The following PPP6C variants were observed in gnomAD, a reference collection of about 807,000 sequenced individuals.
PPP6C encodes protein phosphatase 6 catalytic subunit.
Under a neutral mutation model 39.8 loss-of-function variants are expected in PPP6C, and 11 were observed. The observed-to-expected ratio is 0.28, with a 90% CI of 0.17 to 0.46. The LOEUF (loss-of-function observed/expected upper bound fraction) is 0.46. Among genes scored for constraint, PPP6C ranks in the 20% least tolerant of loss-of-function variants. The pLI is 1.00. For missense variants in PPP6C, 211 were observed against 373.9 expected (o/e 0.56, Z 3.59); for synonymous variants, 129 against 130.3 (o/e 0.99, Z 0.07).
chr9:125,184,610 A>T (rs10986619), intron 1 of PPP6C, among the ~76,000 whole-genome samples: 2,285 of 152,166 alleles, frequency 0.015, 105 homozygotes, highest in Admixed American at 0.082. Context: ...TAAAGCAGTA[A>T]ACAGTTTGAG....
intron 4 of PPP6C, among the ~76,000 whole-genome samples, chr9:125,156,064 A>G (rs1836064526): frequency 6.6e-6 from 1 of 152,198 alleles, no homozygotes; most frequent in South Asian, 2.1e-4. Flanking sequence ...ATAGTATGTT[A>G]TCCAAAATAT....
At chr9:125,180,696 C>T (rs1298429251) in intron 1 of PPP6C, among the ~76,000 whole-genome samples, 2 of 152,186 alleles carry the variant, frequency 1.3e-5, no homozygotes, top group African/African-American at 4.8e-5. Context: ...GCTGGGGTTA[C>T]AGGCGTGAGC....
At chr9:125,164,218 CTTTTTTTT>C (rs10684647) in intron 2 of PPP6C, among the ~76,000 whole-genome samples, 19 of 74,796 alleles carry the variant, frequency 2.5e-4, no homozygotes, top group Non-Finnish European at 4.4e-4. Flanking sequence ...CCCTCACTCT[CTTTTTTTT>C]TTTTTTTTTT....
intron 1 of PPP6C, among the ~76,000 whole-genome samples, chr9:125,172,223 T>C (rs2416955): frequency 0.1 from 15,470 of 152,124 alleles, 1,033 homozygotes; most frequent in Non-Finnish European, 0.14. Context: ...CTTCTTTTTT[T>C]CCCTTTTTTT....
At chr9:125,179,015 G>A in intron 1 of PPP6C, among the ~76,000 whole-genome samples, 1 of 152,052 alleles carries the variant, frequency 6.6e-6, no homozygotes. Flanking sequence ...AGGAGTTCGA[G>A]ACCAGCATGA....
chr9:125,172,740 C>A (rs1170596541), intron 1 of PPP6C, among the ~76,000 whole-genome samples: 1 of 144,158 alleles, frequency 6.9e-6, no homozygotes, highest in Admixed American at 6.8e-5. Flanking sequence ...CACACACACA[C>A]ACACACACAC....
Position 125,149,460 on chromosome 9 carries a change from T to G in PPP6C, c.*213A>C. The G allele has an allele frequency of 1.9e-6, 1 of 516,410 alleles. No homozygotes were observed. The allele number at this position is 516,410 out of a possible 1,614,324, so 32.0% of individuals were successfully genotyped here. A position where few individuals can be genotyped will look rare whatever the true frequency, so the allele number is the denominator to read the frequency against. On this transcript the variant is annotated 3_prime_UTR_variant, in exon 7 of 7. Transcript: ENST00000373547. The stretch of plus-strand genomic sequence containing the variant: ...CAAGTCTTCTCAAATGAGTCCAGGG[T>G]GGGGATGGGATGGGGGAAAATTGAT...
At chr9:125,152,121 G>A (rs555784454) in intron 6 of PPP6C, among the ~76,000 whole-genome samples, 2 of 152,176 alleles carry the variant, frequency 1.3e-5, no homozygotes, top group Non-Finnish European at 2.9e-5. Context: ...GGGGGTGGGG[G>A]GTGGTTGAGG....
intron 1 of PPP6C, among the ~76,000 whole-genome samples, chr9:125,188,310 G>A (rs1026836909): frequency 1.3e-5 from 2 of 152,096 alleles, no homozygotes; most frequent in Admixed American, 6.6e-5. Context: ...GCGTGAACCC[G>A]GGAGGCGGAG....
intron 6 of PPP6C, among the ~76,000 whole-genome samples, chr9:125,150,460 G>A (rs538495957): frequency 7.6e-5 from 11 of 144,918 alleles, no homozygotes; most frequent in Admixed American, 4.8e-4. Flanking sequence ...ATTGAAAACA[G>A]TTGAAAGTTC....
At chr9:125,155,713 C>A (rs1172247443) in intron 4 of PPP6C, among the ~76,000 whole-genome samples, 2 of 152,062 alleles carry the variant, frequency 1.3e-5, no homozygotes, top group African/African-American at 4.8e-5. Flanking sequence ...ACCATCCTGG[C>A]TAACACGGTG....
intron 4 of PPP6C, among the ~76,000 whole-genome samples, chr9:125,154,637 A>T (rs908527633): frequency 1.3e-5 from 2 of 152,254 alleles, no homozygotes; most frequent in African/African-American, 2.4e-5. Context: ...AGTTATGTTA[A>T]TATTAGGCAA....
chr9:125,175,178 G>A (rs1332271462), intron 1 of PPP6C, among the ~76,000 whole-genome samples: 1 of 151,940 alleles, frequency 6.6e-6, no homozygotes, highest in Admixed American at 6.6e-5. Flanking sequence ...TTGCACTCCA[G>A]CCTGGGTGAC....
chr9:125,162,184 T>C (rs1210312732), intron 2 of PPP6C, among the ~76,000 whole-genome samples: 4 of 151,650 alleles, frequency 2.6e-5, no homozygotes, highest in Non-Finnish European at 5.9e-5. Context: ...TCCTGGAACT[T>C]TGGGAGCTCA....
At chr9:125,153,079 C>A (rs1238396605) in intron 6 of PPP6C, among the ~76,000 whole-genome samples, 1 of 151,766 alleles carries the variant, frequency 6.6e-6, no homozygotes, top group Non-Finnish European at 1.5e-5. Context: ...TCAAGACCAG[C>A]CTAGCCAACA....
intron 1 of PPP6C, among the ~76,000 whole-genome samples, chr9:125,186,941 T>TC (rs1355191413): frequency 7.9e-6 from 1 of 126,684 alleles, no homozygotes. Context: ...TTTCTTTCTT[T>TC]TTTTTTTTTT....
chr9:125,146,933 A>C lies in PPP6C; in HGVS notation c.*2740T>G, dbSNP rs1395486272. The C allele has an allele frequency of 6.6e-6, 1 of 152,208 alleles. No individual in the cohort carries two copies. The highest frequency in any genetic ancestry group is 6.5e-5 in the Admixed American group (1 of 15,272). 9.4% of individuals were successfully genotyped at this position (152,208 alleles called of 1,614,324 possible). On this transcript the variant is annotated 3_prime_UTR_variant, in exon 7 of 7. Transcript: ENST00000373547. ...CCAAAACCTGGTTCTGGGCTTACAA[A>C]GCACACACACACAAATCTTAATGCA...
At chr9:125,177,278 GC>G (rs968838562) in intron 1 of PPP6C, among the ~76,000 whole-genome samples, 1 of 152,324 alleles carries the variant, frequency 6.6e-6, no homozygotes, top group African/African-American at 2.4e-5. Context: ...AAAGGCTGAG[GC>G]AGGAGAATGG....
intron 3 of PPP6C, among the ~76,000 whole-genome samples, chr9:125,159,526 A>G (rs1425671740): frequency 6.6e-6 from 1 of 152,092 alleles, no homozygotes; most frequent in Non-Finnish European, 1.5e-5. Context: ...TTTTATTTTA[A>G]GAATCATTTT....
Sources: gnomAD v4.1 joint callset for allele counts (sites outside exome capture counted in the v4.1 genomes callset) on GRCh38, gnomAD v4.1.1 for gene constraint, MANE v1.5 for transcripts, NCBI Gene and HGNC (gene_info 2026-07-23, HGNC 2026-07-21) for gene names.